MFAP1: variants seen among roughly 807,000 people sequenced by gnomAD.
MFAP1 encodes microfibrillar-associated protein 1.
In MFAP1, 18 loss-of-function variants were observed where a neutral mutation model predicts 62.2. The observed-to-expected ratio is 0.29, with a 90% confidence interval of 0.20 to 0.43. MFAP1 has a LOEUF of 0.43. MFAP1 is among the 20% of genes least tolerant of loss of function. MFAP1 has a pLI of 1.00. For missense variants in MFAP1, 355 were observed against 559.7 expected (o/e 0.63, Z 3.69); for synonymous variants, 175 against 180.4 (o/e 0.97, Z 0.24).
chr15:43,816,454 C>T, intron 2 of MFAP1, among the ~76,000 whole-genome samples: 1 of 151,928 alleles, frequency 6.6e-6, no homozygotes, highest in East Asian at 1.9e-4. Context: ...ACCAAGTTGG[C>T]CAGGCTGGTC....
intron 1 of MFAP1, among the ~76,000 whole-genome samples, chr15:43,819,640 C>G (rs1259902809): frequency 6.6e-6 from 1 of 152,192 alleles, no homozygotes; most frequent in Non-Finnish European, 1.5e-5. Context: ...AAGCAATTCT[C>G]CCTGCCTCAG....
intron 7 of MFAP1, among the ~76,000 whole-genome samples, chr15:43,809,520 C>T (rs2087386184): frequency 6.6e-6 from 1 of 151,260 alleles, no homozygotes; most frequent in Non-Finnish European, 1.5e-5. Context: ...TCTATTACAT[C>T]ATTTCCTATT....
At position 43,804,831 on chromosome 15, in the gene MFAP1, G is replaced by C. The variant is rs1024850364; in HGVS notation, c.*263C>G. 5.8e-6 allele frequency: 2 copies of C among 346,464 alleles called. No homozygotes were observed. The allele number at this position is 346,464 out of a possible 1,614,324, so 21.5% of individuals were successfully genotyped here. A position where few individuals can be genotyped will look rare whatever the true frequency, so the allele number is the denominator to read the frequency against. ...CAAGTAAATATGGGAAACCATAGCAGTGATAAAACCTAAGATTTCTCAGAA... is the reference window on the plus strand; with the variant it reads ...CAAGTAAATATGGGAAACCATAGCACTGATAAAACCTAAGATTTCTCAGAA... On this transcript the variant is annotated 3_prime_UTR_variant, in exon 9 of 9. Transcript: ENST00000267812.
intron 7 of MFAP1, among the ~76,000 whole-genome samples, chr15:43,808,736 A>G (rs1446303310): frequency 2.6e-5 from 4 of 152,258 alleles, no homozygotes; most frequent in Admixed American, 6.5e-5. Context: ...GTGGCAGGGA[A>G]GCCGCCACTG....
At chr15:43,816,125 T>G (rs181989676) in intron 2 of MFAP1, among the ~76,000 whole-genome samples, 1 of 152,206 alleles carries the variant, frequency 6.6e-6, no homozygotes, top group African/African-American at 2.4e-5. Flanking sequence ...ATTCCAAGGT[T>G]TGAAAGGCTG....
intron 1 of MFAP1, 54 bp from the exon 2 acceptor site, chr15:43,817,502 A>G: frequency 1.9e-6 from 3 of 1,583,986 alleles, no homozygotes; most frequent in Non-Finnish European, 2.6e-6. Flanking sequence ...ATGTGCTTCA[A>G]CCCATCACGG....
chr15:43,820,271 C>T (rs773943880), intron 1 of MFAP1, among the ~76,000 whole-genome samples: 8 of 151,932 alleles, frequency 5.3e-5, no homozygotes, highest in East Asian at 3.9e-4. Flanking sequence ...GAGCCGAGAT[C>T]GCGCCACTGC....
chr15:43,821,485 T>A (rs2087466749), intron 1 of MFAP1, among the ~76,000 whole-genome samples: 1 of 151,982 alleles, frequency 6.6e-6, no homozygotes, highest in African/African-American at 2.4e-5. Context: ...TTACCAGATA[T>A]GTCAGTGACC....
At chr15:43,820,765 C>T (rs574193336) in intron 1 of MFAP1, among the ~76,000 whole-genome samples, 2 of 151,990 alleles carry the variant, frequency 1.3e-5, no homozygotes, top group African/African-American at 4.8e-5. Flanking sequence ...AACACCATGC[C>T]GGTCTAATTT....
At chr15:43,816,777 C>T (rs1028167833) in intron 2 of MFAP1, among the ~76,000 whole-genome samples, 1 of 152,178 alleles carries the variant, frequency 6.6e-6, no homozygotes, top group Admixed American at 6.5e-5. Context: ...GGGAGGCTCT[C>T]TTTCTACCAT....
chr15:43,813,441 G>C, intron 4 of MFAP1, 84 bp from the exon 5 acceptor site: 7 of 1,189,466 alleles, frequency 5.9e-6, no homozygotes, highest in East Asian at 3.1e-5. Context: ...ATCCAAATCA[G>C]ACAAAAACCA....
At chr15:43,805,510 A>G (rs745312656) in intron 7 of MFAP1, 45 bp from the exon 8 acceptor site, 1 of 1,490,240 alleles carries the variant, frequency 6.7e-7, no homozygotes, top group Non-Finnish European at 9.2e-7. Flanking sequence ...TATTTCCTAT[A>G]TATTCAAACC....
At chr15:43,824,451 G>A in intron 1 of MFAP1, 40 bp downstream of exon 1, 3 of 1,606,572 alleles carry the variant, frequency 1.9e-6, no homozygotes, top group South Asian at 1.1e-5. Flanking sequence ...GGGCCGGAAG[G>A]GGTTAAAATT....
In MFAP1 at chr15:43,816,199, GT is replaced by G. The variant is rs376909788; in HGVS notation, c.299+1029del. 8.5e-4 allele frequency among the ~76,000 whole-genome samples: 125 copies of G among 147,772 alleles called. 5 individuals are homozygous for G. The East Asian group carries it at 0.023, about 27-fold the overall frequency. On this transcript the variant is annotated intron_variant, in intron 2 of 8. Transcript: ENST00000267812. ...TGGTTATGTGAGAATGAATAAAAGT[GT>G]TTTTTCCCCCCTGGGCACTGTAATT...
At chr15:43,811,151 A>G (rs1421486966) in intron 6 of MFAP1, among the ~76,000 whole-genome samples, 1 of 149,664 alleles carries the variant, frequency 6.7e-6, no homozygotes, top group Non-Finnish European at 1.5e-5. Flanking sequence ...GTGGTGGCTC[A>G]TGCCTGTAAT....
chr15:43,811,195 A>AC (rs2087398387), intron 6 of MFAP1, among the ~76,000 whole-genome samples: 1 of 150,588 alleles, frequency 6.6e-6, no homozygotes, highest in Non-Finnish European at 1.5e-5. Flanking sequence ...TGGGTGGATC[A>AC]CCTGAAGTCA....
chr15:43,809,868 C>G lies in MFAP1; in HGVS notation c.934G>C (p.Glu312Gln). The G allele has an allele frequency of 6.2e-7, 1 of 1,614,206 alleles. No individual in the cohort carries two copies. Among genetic ancestry groups the G allele is most frequent in the Non-Finnish European group, 8.5e-7 (1 of 1,180,042 alleles). Residue 312 changes from glutamate to glutamine, a missense_variant, in exon 7 of 9, where the codon GAG becomes CAG. This residue lies in a region of MFAP1 where 257 missense variants were observed against 341.3 expected (regional missense o/e 0.75). Coordinates refer to ENST00000267812, the MANE Select transcript of MFAP1 (RefSeq NM_005926.3). ...CGAAGTTCAGCTCTCCTCTCTTCCT[C>G]AGTCAGGTTTCGCATGCGTTCAATT... ...AEIERMRNLTEEERRAELRAN... is the reference protein window; with the variant it reads ...AEIERMRNLTQEERRAELRAN...
At chr15:43,811,218 C>T (rs936762098) in intron 6 of MFAP1, among the ~76,000 whole-genome samples, 4 of 150,584 alleles carry the variant, frequency 2.7e-5, no homozygotes, top group East Asian at 2.1e-4. Flanking sequence ...AGTTCAAGGC[C>T]AGCCTGGCCG....
chr15:43,814,508 T>G lies in MFAP1; in HGVS notation c.610A>C (p.Ile204Leu). 1 of 1,607,694 alleles carries G rather than the reference T, an allele frequency of 6.2e-7. No individual in the cohort carries two copies. Among genetic ancestry groups the G allele is most frequent in the Non-Finnish European group, 8.5e-7 (1 of 1,176,324 alleles). ...GGCTTGTGAGATACTTACTTTCGAA[T>G]GAAGACTGGCTTAAGGCGAGGCTCC... Reference protein sequence around the residue: ...EMEPRLKPVFIRKKDRVTVQE... With the variant: ...EMEPRLKPVFLRKKDRVTVQE... Residue 204 changes from isoleucine (I) to leucine (L), a missense_variant, in exon 4 of 9, where the codon ATT (isoleucine) becomes CTT (leucine). Ile to Leu is a conservative substitution (Grantham distance 5). Around this residue, in one of 6 missense-constraint regions of MFAP1, gnomAD observed 257 missense variants for 341.3 expected, o/e 0.75. Coordinates refer to ENST00000267812, the MANE Select transcript of MFAP1 (RefSeq NM_005926.3).
Sources: allele counts gnomAD v4.1 joint callset (sites outside exome capture counted in the v4.1 genomes callset), GRCh38; gene constraint gnomAD v4.1.1; regional missense constraint gnomAD v4.1.1; transcripts MANE v1.5; gene names NCBI Gene and HGNC (gene_info 2026-07-23, HGNC 2026-07-21).